SIGLEC12: variants seen among roughly 807,000 people sequenced by gnomAD.
SIGLEC12 encodes the protein sialic acid binding Ig like lectin 12.
In SIGLEC12, 43 loss-of-function variants were observed where a neutral mutation model predicts 54.1. That is an observed-to-expected ratio of 0.80 (90% CI 0.62 to 1.03). The LOEUF (loss-of-function observed/expected upper bound fraction) is 1.03, where lower values mean the gene tolerates loss of function less well. Ranked by LOEUF, SIGLEC12 falls within the 50% of genes least tolerant of loss-of-function variation. The pLI, the probability that SIGLEC12 is intolerant of heterozygous loss-of-function variation, is 0.00. For synonymous variants in SIGLEC12, 357 were observed against 307.6 expected (o/e 1.16, Z -1.68); for missense variants, 802 against 735.2 (o/e 1.09, Z -1.05).
intron 7 of SIGLEC12, among the ~76,000 whole-genome samples, chr19:51,496,118 G>A (rs1345723311): frequency 1.3e-5 from 2 of 152,184 alleles, no homozygotes; most frequent in African/African-American, 2.4e-5. Flanking sequence ...CCAAATCTCA[G>A]CAATGAAGAT....
chr19:51,496,857 G>A (rs1435855556), intron 7 of SIGLEC12, 23 bp downstream of exon 7: 1 of 1,611,180 alleles, frequency 6.2e-7, no homozygotes, highest in Admixed American at 1.7e-5. Context: ...GGGGAGAAGG[G>A]CTGTGATTCA....
Position 51,499,731 on chromosome 19 carries a change from G to A in SIGLEC12, c.809-15C>T, listed in dbSNP as rs1158959619. On this transcript the variant is annotated splice_polypyrimidine_tract_variant and intron_variant, in intron 2 of 7. Transcript: ENST00000291707. ...GTGAGTCAGGGCTGGTGATGAAAGG[G>A]AGACAGGCAAAATGAGGGTGTTGGG... 3 of 1,612,904 alleles carry A rather than the reference G, an allele frequency of 1.9e-6. No individual in the cohort carries two copies. The South Asian group carries it at 3.3e-5, about 18-fold the overall frequency.
intron 1 of SIGLEC12, chr19:51,500,514 A>G (rs1568532439): frequency 4.0e-6 from 3 of 746,726 alleles, no homozygotes; most frequent in East Asian, 5.4e-5. Flanking sequence ...GCAAACCCAC[A>G]TGCTATAGGA....
In SIGLEC12 at chr19:51,499,152, GA is replaced by G; in HGVS notation, c.1135+17del. The stretch of plus-strand genomic sequence containing the variant: ...AAGGCTCTGCTCCTCCAGCCCCAGG[GA>G]GAGGACTCCATCTTACCTGTGCCAT... On this transcript the variant is annotated intron_variant, in intron 4 of 7. Coordinates refer to ENST00000291707, the MANE Select transcript of SIGLEC12 (RefSeq NM_053003.4). 1 of 1,613,750 alleles carries G rather than the reference GA, an allele frequency of 6.2e-7. No individual in the cohort carries two copies.
chr19:51,498,364 T>C, intron 4 of SIGLEC12, 77 bp from the exon 5 acceptor site: 1 of 1,294,834 alleles, frequency 7.7e-7, no homozygotes, highest in African/African-American at 1.5e-5. Context: ...AAGAGAGTGG[T>C]GAATGGAACA....
intron 7 of SIGLEC12, among the ~76,000 whole-genome samples, chr19:51,494,493 AC>A (rs1990177467): frequency 6.6e-6 from 1 of 152,214 alleles, no homozygotes; most frequent in Non-Finnish European, 1.5e-5. Context: ...AGAAATGGGA[AC>A]CCTTGTGTGA....
intron 7 of SIGLEC12, among the ~76,000 whole-genome samples, chr19:51,495,348 G>GATGA: frequency 1.1e-5 from 1 of 94,250 alleles, no homozygotes; most frequent in African/African-American, 3.7e-5. Context: ...TGGATGGATG[G>GATGA]ATGGACAGAC....
chr19:51,491,683 C>T lies in SIGLEC12; in HGVS notation c.1746G>A (p.Glu582=). The change falls in exon 8 of 8, where the codon GAG becomes GAA. Residue 582 remains glutamate, a synonymous_variant. Coordinates refer to ENST00000291707, the MANE Select transcript of SIGLEC12 (RefSeq NM_053003.4). ...TCTCGGAGTACTCATAGCCGATGGC[C>T]TCCTGTTCCTGTGGGTACTGAGGCC... is the stretch of plus-strand genomic sequence containing the variant. ...KARPQYPQEQ[E]AIGYEYSEIN... 1 of 1,613,482 alleles carries T rather than the reference C, an allele frequency of 6.2e-7. No individual in the cohort carries two copies. Among genetic ancestry groups the T allele is most frequent in the Non-Finnish European group, 8.5e-7 (1 of 1,179,842 alleles).
At position 51,501,591 on chromosome 19, in the gene SIGLEC12, TAGG is replaced by T. The variant is rs766722884; in HGVS notation, c.140_142del (p.Ser47del). On this transcript the variant is annotated inframe_deletion, in exon 1 of 8. Transcript: ENST00000291707. ...GGAGGCAGTCCAGCCATTTTGGGGG[TAGG>T]AGAAGGAGCAAAGCACAGAGACACA... is the stretch of plus-strand genomic sequence containing the variant. 1 of 1,613,656 alleles carries T rather than the reference TAGG, an allele frequency of 6.2e-7. No individual in the cohort carries two copies. Among genetic ancestry groups the T allele is most frequent in the Admixed American group, 1.7e-5 (1 of 59,940 alleles).
At chr19:51,499,344 A>T in intron 3 of SIGLEC12, 94 bp downstream of exon 3, 2 of 1,561,568 alleles carry the variant, frequency 1.3e-6, no homozygotes, top group Non-Finnish European at 1.7e-6. Context: ...CCCAGCCAAG[A>T]TTCCAGGACC....
chr19:51,496,504 C>T (rs1366345440), intron 7 of SIGLEC12, among the ~76,000 whole-genome samples: 1 of 152,068 alleles, frequency 6.6e-6, no homozygotes, highest in African/African-American at 2.4e-5. Flanking sequence ...CAAAAAATTC[C>T]TGGAGAACAA....
intron 7 of SIGLEC12, among the ~76,000 whole-genome samples, chr19:51,495,610 T>A (rs1990223632): frequency 6.6e-6 from 1 of 152,222 alleles, no homozygotes; most frequent in Non-Finnish European, 1.5e-5. Flanking sequence ...ATATCTATCT[T>A]TATATTTTAT....
chr19:51,497,516 T>C (rs1444221951), intron 5 of SIGLEC12, 71 bp from the exon 6 acceptor site: 1 of 1,163,684 alleles, frequency 8.6e-7, no homozygotes, highest in Non-Finnish European at 1.3e-6. Flanking sequence ...CCACTGCCTG[T>C]AGGGCCCCAG....
chr19:51,497,091 G>C (rs112541366), intron 6 of SIGLEC12, 115 bp from the exon 7 acceptor site: 2 of 1,531,424 alleles, frequency 1.3e-6, no homozygotes, highest in Non-Finnish European at 1.8e-6. Context: ...GAGGCGGGAG[G>C]GGAGTGGTCC....
At chr19:51,500,916 G>A (rs559504754) in intron 1 of SIGLEC12, among the ~76,000 whole-genome samples, 2 of 152,206 alleles carry the variant, frequency 1.3e-5, no homozygotes, top group Non-Finnish European at 2.9e-5. Flanking sequence ...CCCCCAGGAC[G>A]TTTGACAATG....
intron 4 of SIGLEC12, 115 bp from the exon 5 acceptor site, chr19:51,498,402 A>G: frequency 1.1e-6 from 1 of 876,808 alleles, no homozygotes; most frequent in South Asian, 1.9e-5. Context: ...AATTGTAGGG[A>G]CATATGCACG....
At position 51,499,620 on chromosome 19, in the gene SIGLEC12, C is replaced by T. The variant is rs749893147; in HGVS notation, c.905G>A (p.Gly302Glu). The change falls in exon 3 of 8, where the codon GGG (glycine) becomes GAG (glutamate). Residue 302 changes from glycine to glutamate, a missense_variant. Physicochemically the swap from Gly to Glu is moderately conservative, Grantham distance 98. Transcript: ENST00000291707. ...CATCCAGGTGATCGTGGGGGGCGTCCCCTGTTCACAGGCCCAGGGCACAGA... is the reference window on the plus strand; with the variant it reads ...CATCCAGGTGATCGTGGGGGGCGTCTCCTGTTCACAGGCCCAGGGCACAGA... ...TCSVPWACEQ[G>E]TPPTITWMGA... 1.9e-6 allele frequency: 3 copies of T among 1,613,734 alleles called. No individual in the cohort carries two copies. Among genetic ancestry groups the T allele is most frequent in the East Asian group, 2.2e-5 (1 of 44,874 alleles).
chr19:51,498,684 A>G (rs973420152), intron 4 of SIGLEC12, among the ~76,000 whole-genome samples: 1 of 152,190 alleles, frequency 6.6e-6, no homozygotes, highest in African/African-American at 2.4e-5. Context: ...GCCCTAGAGG[A>G]GGGTGCAAAC....
intron 4 of SIGLEC12, 34 bp from the exon 5 acceptor site, chr19:51,498,321 C>T (rs1270415132): frequency 1.9e-6 from 3 of 1,552,020 alleles, no homozygotes; most frequent in African/African-American, 2.7e-5. Context: ...CAGAGAGAGA[C>T]AAAGTGATCG....
Sources: allele counts gnomAD v4.1 joint callset (sites outside exome capture counted in the v4.1 genomes callset), GRCh38; gene constraint gnomAD v4.1.1; transcripts MANE v1.5; gene names NCBI Gene and HGNC (gene_info 2026-07-23, HGNC 2026-07-21).